NDST4: variants seen among roughly 807,000 people sequenced by gnomAD.
NDST4 encodes the protein N-deacetylase and N-sulfotransferase 4, also known as N-heparan sulfate sulfotransferase 4.
In NDST4, 63 loss-of-function variants were observed where a neutral mutation model predicts 100.8. The ratio of observed to expected loss-of-function variants is 0.62; its 90% confidence interval spans 0.51 to 0.77. NDST4 has a LOEUF of 0.77. NDST4 is among the 30% of genes least tolerant of loss of function. NDST4 has a pLI of 0.00. For missense variants in NDST4, 943 were observed against 1,018.4 expected, an observed-to-expected ratio of 0.93 and a Z score of 1.01; for synonymous variants, 377 against 361.8, an observed-to-expected ratio of 1.04 and a Z score of -0.48.
intron 4 of NDST4, among the ~76,000 whole-genome samples, chr4:114,941,748 T>A (rs183508180): frequency 1.3e-5 from 2 of 152,326 alleles, no homozygotes; most frequent in Admixed American, 1.3e-4. Flanking sequence ...CAGTTCTATA[T>A]GGTTCTGAGA....
chr4:115,023,660 T>G (rs950488183), intron 2 of NDST4, among the ~76,000 whole-genome samples: 1 of 152,070 alleles, frequency 6.6e-6, no homozygotes, highest in Non-Finnish European at 1.5e-5. Flanking sequence ...ATTGTAAAAT[T>G]TGCAGCCTGG....
chr4:115,105,427 A>C (rs183355245), intron 1 of NDST4, among the ~76,000 whole-genome samples: 1 of 152,190 alleles, frequency 6.6e-6, no homozygotes, highest in Admixed American at 6.5e-5. Context: ...TAATTCTATT[A>C]TGAAAATTTG....
chr4:115,014,667 T>C (rs372355358), intron 2 of NDST4, among the ~76,000 whole-genome samples: 36 of 152,188 alleles, frequency 2.4e-4, no homozygotes, highest in East Asian at 1.5e-3. Context: ...TCAATGGTGC[T>C]TGGAGTATCG....
intron 7 of NDST4, among the ~76,000 whole-genome samples, chr4:114,862,346 T>G (rs1723935664): frequency 6.6e-6 from 1 of 152,104 alleles, no homozygotes; most frequent in African/African-American, 2.4e-5. Flanking sequence ...ATATAACTAT[T>G]TATAAAGAAC....
chr4:115,024,566 A>G lies in NDST4; in HGVS notation c.979-47292T>C, dbSNP rs1411295663. ...TCCCACCATTGTATTTTGGAAGTAA[A>G]TAACTTGTTTTGATTTTACAGACTT... On this transcript the variant is annotated intron_variant, in intron 2 of 13. Transcript: ENST00000264363. Among the ~76,000 whole-genome samples, 4 of 152,232 alleles carry G rather than the reference A, an allele frequency of 2.6e-5. No individual in the cohort carries two copies. The East Asian group carries it at 7.7e-4, about 29-fold the overall frequency.
At chr4:114,855,441 T>A (rs547862535) in intron 7 of NDST4, among the ~76,000 whole-genome samples, 1 of 152,196 alleles carries the variant, frequency 6.6e-6, no homozygotes, top group Non-Finnish European at 1.5e-5. Context: ...CATTTTAATT[T>A]TATTTTGTGT....
intron 2 of NDST4, among the ~76,000 whole-genome samples, chr4:115,058,892 A>G (rs1728756662): frequency 6.6e-6 from 1 of 151,972 alleles, no homozygotes; most frequent in Non-Finnish European, 1.5e-5. Flanking sequence ...AGTAAAACTA[A>G]TTGTGCTTTT....
intron 2 of NDST4, among the ~76,000 whole-genome samples, chr4:115,031,393 C>T (rs1180573861): frequency 6.6e-6 from 1 of 152,060 alleles, no homozygotes. Context: ...GGAATTTTTG[C>T]AAGGTGAATA....
At chr4:115,066,124 G>A (rs1382362493) in intron 2 of NDST4, among the ~76,000 whole-genome samples, 1 of 152,258 alleles carries the variant, frequency 6.6e-6, no homozygotes, top group East Asian at 1.9e-4. Context: ...GCAGATAACT[G>A]TGAATATGTC....
chr4:115,033,689 G>T (rs1326089938), intron 2 of NDST4, among the ~76,000 whole-genome samples: 4 of 151,972 alleles, frequency 2.6e-5, no homozygotes, highest in African/African-American at 9.7e-5. Flanking sequence ...AGTGACAAAG[G>T]TATAGAAAGA....
intron 6 of NDST4, among the ~76,000 whole-genome samples, chr4:114,908,005 A>G (rs751075247): frequency 2.6e-5 from 4 of 152,178 alleles, no homozygotes; most frequent in African/African-American, 4.8e-5. Context: ...CAGTAACTTG[A>G]AAAGATTTTT....
chr4:114,986,523 T>C (rs1726904585), intron 2 of NDST4, among the ~76,000 whole-genome samples: 1 of 152,046 alleles, frequency 6.6e-6, no homozygotes, highest in African/African-American at 2.4e-5. Context: ...TTAAGAATGC[T>C]GAAATACTGT....
At chr4:114,834,775 C>T (rs1250346898) in intron 11 of NDST4, among the ~76,000 whole-genome samples, 1 of 152,090 alleles carries the variant, frequency 6.6e-6, no homozygotes, top group African/African-American at 2.4e-5. Context: ...TAATTACTGC[C>T]TCAAATTTAG....
chr4:114,920,209 C>T (rs1725260264), intron 6 of NDST4, among the ~76,000 whole-genome samples: 1 of 152,086 alleles, frequency 6.6e-6, no homozygotes, highest in African/African-American at 2.4e-5. Flanking sequence ...AAATTTGGGG[C>T]AGTGTGATAT....
chr4:115,089,871 T>C (rs985349733), intron 1 of NDST4, among the ~76,000 whole-genome samples: 3 of 151,898 alleles, frequency 2.0e-5, no homozygotes, highest in East Asian at 1.9e-4. Context: ...CAGACCCCAT[T>C]TGTAGTCACA....
At chr4:114,867,665 C>CAAAAAAAAAAAAAAAAAAAAAAAGA in intron 7 of NDST4, among the ~76,000 whole-genome samples, 5 of 79,900 alleles carry the variant, frequency 6.3e-5, no homozygotes, top group Admixed American at 1.8e-4. Flanking sequence ...AAAAAAAAAG[C>CAAAAAAAAAAAAAAAAAAAAAAAGA]AAAAAAAAAA....
At position 114,852,739 on chromosome 4, in the gene NDST4, C is replaced by T; in HGVS notation, c.1802G>A (p.Gly601Asp). Residue 601 changes from glycine to aspartate, a missense_variant, in exon 8 of 14, where the codon GGT (glycine) becomes GAT (aspartate). Coordinates refer to ENST00000264363, the MANE Select transcript of NDST4 (RefSeq NM_022569.3). ...CDHLPKFLVI[G>D]PQKTGTTALY... ...GCTATTTTTACCTGTTTTTTGTGGA[C>T]CAATTACTAGAAATTTTGGTAAGTG... is the stretch of plus-strand genomic sequence containing the variant. 6.2e-7 allele frequency: 1 copy of T among 1,607,680 alleles called. No individual in the cohort carries two copies. Among genetic ancestry groups the T allele is most frequent in the South Asian group, 1.1e-5 (1 of 90,638 alleles).
intron 3 of NDST4, among the ~76,000 whole-genome samples, chr4:114,972,597 G>A (rs1427938714): frequency 6.6e-6 from 1 of 151,968 alleles, no homozygotes; most frequent in Non-Finnish European, 1.5e-5. Context: ...CAGATGAGGT[G>A]TTTATATGTT....
intron 4 of NDST4, among the ~76,000 whole-genome samples, chr4:114,945,314 A>G (rs1408096382): frequency 6.6e-6 from 1 of 151,994 alleles, no homozygotes; most frequent in Non-Finnish European, 1.5e-5. Context: ...CTGGGCAGAA[A>G]CTTGAAAAGT....
Sources: allele counts gnomAD v4.1 joint callset (sites outside exome capture counted in the v4.1 genomes callset), GRCh38; gene constraint gnomAD v4.1.1; transcripts MANE v1.5; gene names NCBI Gene and HGNC (gene_info 2026-07-23, HGNC 2026-07-21).